PRMT8: variants seen among roughly 807,000 people sequenced by gnomAD.
PRMT8 encodes the protein protein arginine methyltransferase 8, also known as protein arginine N-methyltransferase 8.
In PRMT8, 7 loss-of-function variants were observed where a neutral mutation model predicts 47.1. That is an observed-to-expected ratio of 0.15 (90% CI 0.08 to 0.28). The LOEUF (loss-of-function observed/expected upper bound fraction) is 0.28, where lower values mean the gene tolerates loss of function less well. PRMT8 is among the 10% of genes least tolerant of loss of function. The pLI is 1.00. For synonymous variants in PRMT8, 188 were observed against 186.5 expected (o/e 1.01, Z -0.07); for missense variants, 237 against 505.4 (o/e 0.47, Z 5.09).
At chr12:3,524,415 C>T (rs1180158807) in intron 1 of PRMT8, among the ~76,000 whole-genome samples, 5 of 152,058 alleles carry the variant, frequency 3.3e-5, no homozygotes, top group African/African-American at 4.8e-5. Context: ...CTGATGCCTG[C>T]TTGTCAGCCT....
At chr12:3,430,307 A>C (rs889903635) in intron 1 of PRMT8, among the ~76,000 whole-genome samples, 2 of 152,160 alleles carry the variant, frequency 1.3e-5, no homozygotes, top group African/African-American at 2.4e-5. Context: ...ATTTTTAACT[A>C]CCAGGCCCAG....
intron 1 of PRMT8, among the ~76,000 whole-genome samples, chr12:3,384,111 A>C (rs555341005): frequency 6.6e-6 from 1 of 152,194 alleles, no homozygotes; most frequent in Non-Finnish European, 1.5e-5. Context: ...ACTACATTGA[A>C]TAAGAGTGGT....
At position 3,568,786 on chromosome 12, in the gene PRMT8, G is replaced by C; in HGVS notation, c.562G>C (p.Gly188Arg). The C allele has an allele frequency of 6.2e-7, 1 of 1,614,132 alleles. No homozygotes were observed. Among genetic ancestry groups the C allele is most frequent in the Non-Finnish European group, 8.5e-7 (1 of 1,180,024 alleles). Residue 188 changes from glycine to arginine, a missense_variant, in exon 5 of 10, where the codon GGC becomes CGC. Gly to Arg is a moderately radical substitution (Grantham distance 125, BLOSUM62 -2). This residue lies in a region of PRMT8 where 151 missense variants were observed against 341.1 expected (regional missense o/e 0.44). Transcript: ENST00000382622. ...GGACATCATCATCAGCGAGTGGATG[G>C]GCTACTGTCTGTTCTATGAGTCCAT... ...KVDIIISEWM[G>R]YCLFYESMLN...
chr12:3,487,797 G>A (rs1591565811), upstream of PRMT8, among the ~76,000 whole-genome samples: 1 of 152,298 alleles, frequency 6.6e-6, no homozygotes, highest in Non-Finnish European at 1.5e-5. Flanking sequence ...TGGATCTTCT[G>A]TAACTTAGGG....
chr12:3,592,699 C>A (rs747671061), intron 9 of PRMT8, among the ~76,000 whole-genome samples: 7 of 152,214 alleles, frequency 4.6e-5, no homozygotes, highest in Admixed American at 3.9e-4. Flanking sequence ...GGATGTTTGG[C>A]GTGCATTTCT....
chr12:3,506,264 A>G (rs1312999767), intron 1 of PRMT8, among the ~76,000 whole-genome samples: 1 of 152,238 alleles, frequency 6.6e-6, no homozygotes, highest in Non-Finnish European at 1.5e-5. Context: ...CATAAAGCAC[A>G]TGTCTGGCAC....
chr12:3,560,876 C>T (rs180767614), intron 4 of PRMT8, among the ~76,000 whole-genome samples: 3 of 152,172 alleles, frequency 2.0e-5, no homozygotes, highest in Non-Finnish European at 2.9e-5. Flanking sequence ...CAGTGCACAG[C>T]TCGTAAGGTT....
intron 1 of PRMT8, among the ~76,000 whole-genome samples, chr12:3,442,453 G>C (rs1441074455): frequency 6.6e-6 from 1 of 152,128 alleles, no homozygotes; most frequent in African/African-American, 2.4e-5. Flanking sequence ...CTGGGCTCTT[G>C]GTGACATCTT....
intron 1 of PRMT8, among the ~76,000 whole-genome samples, chr12:3,521,353 C>T (rs1865878678): frequency 6.6e-6 from 1 of 152,148 alleles, no homozygotes; most frequent in Non-Finnish European, 1.5e-5. Context: ...GCAGGCGGAT[C>T]ACTTGAGGTC....
Position 3,540,553 on chromosome 12 carries a change from G to A in PRMT8, c.76-53G>A, listed in dbSNP as rs1866206513. On this transcript the variant is annotated intron_variant, in intron 1 of 9. Coordinates refer to ENST00000382622, the MANE Select transcript of PRMT8 (RefSeq NM_019854.5). ...AGGAAAGAGGACCGCAAGCCTCCGA[G>A]GGCGGGACCCCGTTGTCTCTCCTAA... The A allele has an allele frequency of 1.5e-5, 19 of 1,248,444 alleles. No homozygotes were observed. The Admixed American group carries it at 2.8e-4, about 18-fold the overall frequency. 77.3% of individuals were successfully genotyped at this position (1,248,444 alleles called of 1,614,324 possible). A position where few individuals can be genotyped will look rare whatever the true frequency, so the allele number is the denominator to read the frequency against.
intron 1 of PRMT8, among the ~76,000 whole-genome samples, chr12:3,496,199 G>T (rs904308598): frequency 2.6e-4 from 8 of 31,352 alleles, no homozygotes. Context: ...TTTGGAAACT[G>T]ATATATATAT....
intron 7 of PRMT8, among the ~76,000 whole-genome samples, chr12:3,578,144 A>G (rs1266460722): frequency 6.6e-6 from 1 of 152,046 alleles, no homozygotes; most frequent in Non-Finnish European, 1.5e-5. Context: ...ACAGAATCTC[A>G]CTCTGTCACC....
At chr12:3,446,852 G>A (rs1185323074) in intron 1 of PRMT8, among the ~76,000 whole-genome samples, 1 of 152,222 alleles carries the variant, frequency 6.6e-6, no homozygotes, top group African/African-American at 2.4e-5. Context: ...CTTTAGAAGA[G>A]CATACTGCTT....
chr12:3,553,745 G>A (rs1866469858), intron 4 of PRMT8, 31 bp downstream of exon 4: 3 of 1,534,176 alleles, frequency 2.0e-6, no homozygotes, highest in Non-Finnish European at 2.7e-6. Flanking sequence ...TTTTCTCCTG[G>A]ATGGAGGGGA....
intron 4 of PRMT8, among the ~76,000 whole-genome samples, chr12:3,558,966 CTATCTAT>C (rs1245176717): frequency 1.4e-5 from 2 of 141,136 alleles, no homozygotes; most frequent in African/African-American, 3.0e-5. Context: ...ATCTACCTAT[CTATCTAT>C]CTATCTATCT....
At chr12:3,559,911 G>T (rs1225806917) in intron 4 of PRMT8, among the ~76,000 whole-genome samples, 3 of 152,168 alleles carry the variant, frequency 2.0e-5, no homozygotes, top group Admixed American at 6.5e-5. Flanking sequence ...TCTGGGTTTT[G>T]ATGGCTCAGA....
At chr12:3,592,437 G>T in intron 9 of PRMT8, 85 bp downstream of exon 9, 2 of 1,460,782 alleles carry the variant, frequency 1.4e-6, no homozygotes, top group Non-Finnish European at 1.8e-6. Context: ...GGGTTCTTAA[G>T]TGTCTCATGA....
intron 8 of PRMT8, among the ~76,000 whole-genome samples, chr12:3,586,510 A>G (rs1194152853): frequency 6.6e-6 from 1 of 152,216 alleles, no homozygotes; most frequent in Non-Finnish European, 1.5e-5. Flanking sequence ...GAGGTCCTAC[A>G]GTCTCCAGTT....
intron 1 of PRMT8, among the ~76,000 whole-genome samples, chr12:3,512,718 G>A (rs1298960490): frequency 6.6e-6 from 1 of 152,204 alleles, no homozygotes; most frequent in African/African-American, 2.4e-5. Context: ...CTCCGTGCCT[G>A]TCTCGTCTCC....
Sources: allele counts gnomAD v4.1 joint callset (sites outside exome capture counted in the v4.1 genomes callset), GRCh38; gene constraint gnomAD v4.1.1; regional missense constraint gnomAD v4.1.1; transcripts MANE v1.5; gene names NCBI Gene and HGNC (gene_info 2026-07-23, HGNC 2026-07-21).